Variants in NSUN3 observed in about 807,000 individuals in gnomAD.
NSUN3 encodes tRNA (cytosine(34)-C(5))-methyltransferase, mitochondrial.
In NSUN3, 24 loss-of-function variants were observed where a neutral mutation model predicts 36.8. That is an observed-to-expected ratio of 0.65 (90% CI 0.47 to 0.92). The LOEUF (loss-of-function observed/expected upper bound fraction) is 0.92. Ranked by LOEUF, NSUN3 falls within the 40% of genes least tolerant of loss-of-function variation. The probability of loss-of-function intolerance (pLI) is 0.00; values close to 1 mark genes in which losing one functional copy is unlikely to be tolerated. For synonymous variants in NSUN3, 146 were observed against 145.2 expected (o/e 1.01, Z -0.04); for missense variants, 381 against 392.8 (o/e 0.97, Z 0.25).
intron 2 of NSUN3, chr3:94,081,993 A>C (rs1350694124): frequency 1.3e-5 from 2 of 152,322 alleles, no homozygotes; most frequent in South Asian, 4.1e-4. Context: ...AAGAAGAACG[A>C]ATAGAGATTT....
chr3:94,115,147 C>A (rs868611974), intron 5 of NSUN3, among the ~76,000 whole-genome samples: 2 of 152,028 alleles, frequency 1.3e-5, no homozygotes, highest in Non-Finnish European at 2.9e-5. Flanking sequence ...AACTGTTTTT[C>A]TTTTCTACAT....
At chr3:94,074,501 C>T (rs555557612) in intron 2 of NSUN3, among the ~76,000 whole-genome samples, 7 of 152,112 alleles carry the variant, frequency 4.6e-5, no homozygotes, top group Non-Finnish European at 1.0e-4. Context: ...TTGTAGTTCT[C>T]CTTGAAGAGG....
In NSUN3 at chr3:94,130,524, C is replaced by T. The variant is rs1031497137; in HGVS notation, c.*4034C>T. On this transcript the variant is annotated 3_prime_UTR_variant, in exon 6 of 6. Coordinates refer to ENST00000314622, the MANE Select transcript of NSUN3 (RefSeq NM_022072.5). Reference sequence around the variant, plus strand: ...CTTTGCGTGAATTTTTATACAAACACTTATGAGTTATATAAAATGTTCTAA... The same window carrying T: ...CTTTGCGTGAATTTTTATACAAACATTTATGAGTTATATAAAATGTTCTAA... Among the ~76,000 whole-genome samples the T allele has an allele frequency of 6.6e-6, 1 of 152,162 alleles. No homozygotes were observed. Among genetic ancestry groups the T allele is most frequent in the African/African-American group, 2.4e-5 (1 of 41,422 alleles).
At chr3:94,109,548 G>A (rs2077407510) in intron 5 of NSUN3, among the ~76,000 whole-genome samples, 2 of 152,208 alleles carry the variant, frequency 1.3e-5, no homozygotes, top group East Asian at 1.9e-4. Context: ...TGAGGTTAGC[G>A]GGGAGTAAAA....
chr3:94,075,737 C>G (rs1477402967), intron 2 of NSUN3, among the ~76,000 whole-genome samples: 1 of 151,974 alleles, frequency 6.6e-6, no homozygotes, highest in Non-Finnish European at 1.5e-5. Context: ...CAAGCCCCCC[C>G]CCCCAATAAT....
At chr3:94,081,293 G>A (rs953360666) in intron 2 of NSUN3, among the ~76,000 whole-genome samples, 7 of 152,172 alleles carry the variant, frequency 4.6e-5, no homozygotes, top group Non-Finnish European at 1.0e-4. Flanking sequence ...TGGAAATGCA[G>A]AAATCACCCA....
At position 94,126,220 on chromosome 3, in the gene NSUN3, T is replaced by C. The variant is rs1379499072; in HGVS notation, c.753T>C (p.Ile251=). 2.5e-6 allele frequency: 4 copies of C among 1,611,190 alleles called. No individual in the cohort carries two copies. Among genetic ancestry groups the C allele is most frequent in the Non-Finnish European group, 3.4e-6 (4 of 1,177,984 alleles). Residue 251 remains isoleucine (I), a synonymous_variant, in exon 6 of 6, where the codon ATT becomes ATC. Coordinates refer to ENST00000314622, the MANE Select transcript of NSUN3 (RefSeq NM_022072.5). ...LLQIELLRSA[I]KALRPGGILV... The stretch of plus-strand genomic sequence containing the variant: ...TTCTGATTGCACACAGGTCTGCAAT[T>C]AAGGCCTTACGTCCTGGAGGGATAC...
intron 5 of NSUN3, among the ~76,000 whole-genome samples, chr3:94,123,267 C>T (rs968509319): frequency 6.6e-6 from 1 of 152,202 alleles, no homozygotes; most frequent in African/African-American, 2.4e-5. Flanking sequence ...ATGTTGCATG[C>T]ACTCTTTTCT....
At chr3:94,115,317 A>G (rs1005161645) in intron 5 of NSUN3, among the ~76,000 whole-genome samples, 1 of 152,204 alleles carries the variant, frequency 6.6e-6, no homozygotes, top group Non-Finnish European at 1.5e-5. Flanking sequence ...AAAATGTATA[A>G]TGCTAGAGTT....
At chr3:94,102,216 A>AC (rs964823213) in intron 5 of NSUN3, among the ~76,000 whole-genome samples, 12 of 151,236 alleles carry the variant, frequency 7.9e-5, no homozygotes, top group Non-Finnish European at 1.3e-4. Flanking sequence ...AAAAAAAAAA[A>AC]AAAAAAAAAC....
chr3:94,085,126 G>T (rs1177187785), intron 3 of NSUN3: 2 of 152,186 alleles, frequency 1.3e-5, no homozygotes. Flanking sequence ...ATAGCCACAT[G>T]TGAGAAGAGG....
intron 5 of NSUN3, among the ~76,000 whole-genome samples, chr3:94,113,846 A>C (rs1202535505): frequency 6.6e-6 from 1 of 151,636 alleles, no homozygotes; most frequent in East Asian, 1.9e-4. Flanking sequence ...ATTTTAATGA[A>C]GGACTAACTA....
At chr3:94,088,775 C>T (rs1165051118) in intron 3 of NSUN3, among the ~76,000 whole-genome samples, 1 of 151,130 alleles carries the variant, frequency 6.6e-6, no homozygotes, top group African/African-American at 2.4e-5. Context: ...TTGGTTCAAG[C>T]AATTCTCATG....
intron 2 of NSUN3, chr3:94,077,309 C>T: frequency 2.1e-6 from 1 of 471,956 alleles, no homozygotes; most frequent in Non-Finnish European, 3.8e-6. Context: ...GGTGGATAAG[C>T]TTATTGATGT....
intron 2 of NSUN3, among the ~76,000 whole-genome samples, chr3:94,075,705 T>C (rs2077242774): frequency 6.6e-6 from 1 of 151,904 alleles, no homozygotes; most frequent in Admixed American, 6.6e-5. Flanking sequence ...AATTTCAACG[T>C]AAGTCTGTGG....
intron 1 of NSUN3, chr3:94,063,432 T>TACA: frequency 2.3e-6 from 1 of 434,304 alleles, no homozygotes; most frequent in East Asian, 3.3e-5. Context: ...CAGTGTCTGT[T>TACA]ACATAGTAGG....
At chr3:94,112,934 G>A (rs374188961) in intron 5 of NSUN3, among the ~76,000 whole-genome samples, 3 of 152,014 alleles carry the variant, frequency 2.0e-5, no homozygotes, top group African/African-American at 4.8e-5. Context: ...GCACAATCTC[G>A]GCTCACTGCA....
At chr3:94,110,459 A>G (rs1364064733) in intron 5 of NSUN3, among the ~76,000 whole-genome samples, 4 of 152,152 alleles carry the variant, frequency 2.6e-5, no homozygotes, top group Admixed American at 1.3e-4. Flanking sequence ...GTAGGCTTGG[A>G]TTTCAACACA....
chr3:94,072,712 GTTCTAT>G (rs2077228954), intron 2 of NSUN3, among the ~76,000 whole-genome samples: 1 of 138,030 alleles, frequency 7.2e-6, no homozygotes, highest in Non-Finnish European at 1.6e-5. Flanking sequence ...AATTTCGTTT[GTTCTAT>G]TTAGGCCTTA....
Sources: gnomAD v4.1 joint callset for allele counts (sites outside exome capture counted in the v4.1 genomes callset) on GRCh38, gnomAD v4.1.1 for gene constraint, MANE v1.5 for transcripts, NCBI Gene and HGNC (gene_info 2026-07-23, HGNC 2026-07-21) for gene names.